Variants in PPP1R9A observed in about 807,000 individuals in gnomAD.
The protein encoded by PPP1R9A is protein phosphatase 1 regulatory subunit 9A, also known as neurabin-1.
In PPP1R9A, 59 loss-of-function variants were observed where a neutral mutation model predicts 141.9. That is an observed-to-expected ratio of 0.42 (90% confidence interval 0.34 to 0.52). The LOEUF (loss-of-function observed/expected upper bound fraction) is 0.52, where lower values mean the gene tolerates loss of function less well. Ranked by LOEUF, PPP1R9A falls within the 20% of genes least tolerant of loss-of-function variation. The probability of loss-of-function intolerance (pLI) is 0.10; values close to 1 mark genes in which losing one functional copy is unlikely to be tolerated. For synonymous variants in PPP1R9A, 500 were observed against 569.7 expected (o/e 0.88, Z 1.74); for missense variants, 1,444 against 1,611.9 (o/e 0.90, Z 1.78).
intron 2 of PPP1R9A, among the ~76,000 whole-genome samples, chr7:94,959,632 A>G (rs930632538): frequency 6.6e-6 from 1 of 151,698 alleles, no homozygotes; most frequent in African/African-American, 2.4e-5. Flanking sequence ...GTTCTCTTAA[A>G]TATGTCAATA....
Position 95,246,398 on chromosome 7 carries a change from A to G in PPP1R9A, c.2113-1075A>G, listed in dbSNP as rs755287500. Among the ~76,000 whole-genome samples the G allele has an allele frequency of 2.4e-4, 37 of 152,312 alleles. No homozygotes were observed. The Middle Eastern group carries it at 0.02, about 84-fold the overall frequency. On this transcript the variant is annotated intron_variant, in intron 8 of 19. Transcript: ENST00000433360. Reference sequence around the variant, plus strand: ...TATGGTCCCTCATGTACAGTCTTAAATCCAAAACGCTCCCAGTCTTTTTTG... The same window carrying G: ...TATGGTCCCTCATGTACAGTCTTAAGTCCAAAACGCTCCCAGTCTTTTTTG...
intron 2 of PPP1R9A, among the ~76,000 whole-genome samples, chr7:94,961,348 T>C (rs1409907837): frequency 6.6e-6 from 1 of 151,664 alleles, no homozygotes. Flanking sequence ...ATAATATTAG[T>C]ATTATTCTAA....
rs1214691998 is a variant in PPP1R9A, at chr7:95,293,752, A to G, written c.*3449A>G. 2 of 152,250 alleles carry G rather than the reference A, an allele frequency of 1.3e-5. No individual in the cohort carries two copies. The highest frequency in any genetic ancestry group is 4.8e-5 in the African/African-American group (2 of 41,478). The allele number at this position is 152,250 out of a possible 1,614,324, so 9.4% of individuals were successfully genotyped here. On this transcript the variant is annotated 3_prime_UTR_variant, in exon 20 of 20. Coordinates refer to ENST00000433360, the MANE Select transcript of PPP1R9A (RefSeq NM_001166160.2). ...GGCCGTTAGAGTTTGTGCTGAAGAC[A>G]AATTTGTCTGGGTTCATTGTGCACC...
At chr7:94,927,329 T>C (rs936142342) in intron 2 of PPP1R9A, among the ~76,000 whole-genome samples, 1 of 152,182 alleles carries the variant, frequency 6.6e-6, no homozygotes, top group Non-Finnish European at 1.5e-5. Flanking sequence ...CTAAAATGAA[T>C]TTAATAAAAG....
At chr7:94,936,446 A>T (rs1794769519) in intron 2 of PPP1R9A, among the ~76,000 whole-genome samples, 1 of 152,164 alleles carries the variant, frequency 6.6e-6, no homozygotes, top group South Asian at 2.1e-4. Flanking sequence ...GATAAAGGAC[A>T]TCTCTGTTTT....
rs190447843 is a variant in PPP1R9A, at chr7:95,049,723, T to A, written c.1396-61536T>A. The stretch of plus-strand genomic sequence containing the variant: ...CTGCCAATTGCTAATGTTTTTACTG[T>A]CTCCCTACATTTTGCCCTTTTCAGA... On this transcript the variant is annotated intron_variant, in intron 2 of 19. Coordinates refer to ENST00000433360, the MANE Select transcript of PPP1R9A (RefSeq NM_001166160.2). Among the ~76,000 whole-genome samples, 384 of 152,314 alleles carry A rather than the reference T, an allele frequency of 2.5e-3. 2 individuals are homozygous for A. The highest frequency in any genetic ancestry group is 0.014 in the Middle Eastern group (4 of 294).
chr7:95,019,093 C>T (rs139006253), intron 2 of PPP1R9A, among the ~76,000 whole-genome samples: 4 of 152,200 alleles, frequency 2.6e-5, no homozygotes, highest in African/African-American at 9.6e-5. Context: ...AACTTAAAAC[C>T]ATACTACTTA....
At chr7:95,123,254 CATTT>C (rs1822956807) in intron 4 of PPP1R9A, among the ~76,000 whole-genome samples, 1 of 152,182 alleles carries the variant, frequency 6.6e-6, no homozygotes, top group Admixed American at 6.5e-5. Flanking sequence ...TCCCAGTGTA[CATTT>C]ATTTCCTCAG....
intron 5 of PPP1R9A, 100 bp downstream of exon 5, chr7:95,162,071 T>A (rs1563336552): frequency 2.3e-5 from 15 of 654,588 alleles, no homozygotes; most frequent in South Asian, 6.3e-5. Flanking sequence ...AATGACAATT[T>A]TACCTGAATA....
intron 2 of PPP1R9A, among the ~76,000 whole-genome samples, chr7:95,094,070 G>A (rs1817694960): frequency 6.6e-6 from 1 of 152,128 alleles, no homozygotes; most frequent in South Asian, 2.1e-4. Context: ...ATAGCATAAT[G>A]TAATAAATCT....
intron 2 of PPP1R9A, among the ~76,000 whole-genome samples, chr7:94,985,127 A>G (rs1800645988): frequency 6.6e-6 from 1 of 152,106 alleles, no homozygotes; most frequent in Non-Finnish European, 1.5e-5. Flanking sequence ...TTCAGTTTCC[A>G]TGTAGTTGTG....
chr7:95,101,368 A>G (rs1818775518), intron 2 of PPP1R9A, among the ~76,000 whole-genome samples: 1 of 152,184 alleles, frequency 6.6e-6, no homozygotes, highest in Non-Finnish European at 1.5e-5. Flanking sequence ...ATCTTCTAAC[A>G]GATGTTTACT....
chr7:95,181,542 TAGAG>T (rs1361521168), intron 5 of PPP1R9A, among the ~76,000 whole-genome samples: 8 of 135,924 alleles, frequency 5.9e-5, no homozygotes, highest in Non-Finnish European at 1.1e-4. Context: ...ATATAGAATA[TAGAG>T]AGAGAATATA....
At chr7:95,229,099 A>T (rs1290882426) in intron 8 of PPP1R9A, among the ~76,000 whole-genome samples, 1 of 151,806 alleles carries the variant, frequency 6.6e-6, no homozygotes, top group Non-Finnish European at 1.5e-5. Context: ...ACCACACAAG[A>T]CCCCATCTCA....
chr7:95,246,889 C>A (rs910338385), intron 8 of PPP1R9A, among the ~76,000 whole-genome samples: 5 of 152,200 alleles, frequency 3.3e-5, no homozygotes, highest in African/African-American at 1.2e-4. Flanking sequence ...AGGAGCAGAT[C>A]TTTTGGAGGA....
chr7:95,115,072 A>G (rs926963308), intron 3 of PPP1R9A, among the ~76,000 whole-genome samples: 8 of 152,122 alleles, frequency 5.3e-5, no homozygotes, highest in Non-Finnish European at 1.2e-4. Context: ...AGTATATGTA[A>G]AAACACTATT....
intron 4 of PPP1R9A, among the ~76,000 whole-genome samples, chr7:95,132,135 A>C (rs1824759814): frequency 6.6e-6 from 1 of 152,092 alleles, no homozygotes; most frequent in Non-Finnish European, 1.5e-5. Flanking sequence ...ATTGTCCATG[A>C]AGATAGTTTG....
chr7:94,996,305 C>T lies in PPP1R9A; in HGVS notation c.1395+84797C>T, dbSNP rs76865204. Among the ~76,000 whole-genome samples, 140 of 152,038 alleles carry T rather than the reference C, an allele frequency of 9.2e-4. 1 individual carries two copies. The highest frequency in any genetic ancestry group is 3.4e-3 in the Middle Eastern group (1 of 294). On this transcript the variant is annotated intron_variant, in intron 2 of 19. Transcript: ENST00000433360. ...GAACATAGAAAATATGCATAAAAGA[C>T]GTTGATAAATTGAACATGATAAAAA... is the stretch of plus-strand genomic sequence containing the variant.
chr7:95,105,698 T>G (rs1161474733), intron 2 of PPP1R9A, among the ~76,000 whole-genome samples: 1 of 152,202 alleles, frequency 6.6e-6, no homozygotes, highest in Non-Finnish European at 1.5e-5. Flanking sequence ...TCCATTTTTT[T>G]GTAGAGCAAT....
Sources: gnomAD v4.1 joint callset for allele counts (sites outside exome capture counted in the v4.1 genomes callset) on GRCh38, gnomAD v4.1.1 for gene constraint, MANE v1.5 for transcripts, NCBI Gene and HGNC (gene_info 2026-07-23, HGNC 2026-07-21) for gene names.